RBFOX2: variants seen among roughly 807,000 people sequenced by gnomAD.
RBFOX2 encodes RNA binding protein fox-1 homolog 2.
Under a neutral mutation model 49.1 loss-of-function variants are expected in RBFOX2, and 10 were observed. The observed-to-expected ratio is 0.20, with a 90% CI of 0.13 to 0.35. RBFOX2 has a LOEUF of 0.35. Ranked by LOEUF, RBFOX2 falls within the 10% of genes least tolerant of loss-of-function variation. RBFOX2 has a pLI of 1.00. For missense variants in RBFOX2, 323 were observed against 486.9 expected, an observed-to-expected ratio of 0.66 and a Z score of 3.17; for synonymous variants, 183 against 187.4, an observed-to-expected ratio of 0.98 and a Z score of 0.19.
At chr22:35,862,381 G>A (rs530031649) in intron 1 of RBFOX2, among the ~76,000 whole-genome samples, 2 of 150,532 alleles carry the variant, frequency 1.3e-5, no homozygotes, top group South Asian at 2.1e-4. Context: ...CTTTGGAGGG[G>A]GGGGGGAATG....
intron 6 of RBFOX2, among the ~76,000 whole-genome samples, chr22:35,763,459 G>T (rs531770403): frequency 1.2e-4 from 18 of 152,318 alleles, no homozygotes; most frequent in African/African-American, 3.8e-4. Context: ...CTACTCTGGA[G>T]GCTGAGGCAC....
intron 1 of RBFOX2, among the ~76,000 whole-genome samples, chr22:35,929,613 T>A (rs899526826): frequency 2.0e-5 from 3 of 152,092 alleles, no homozygotes; most frequent in Non-Finnish European, 2.9e-5. Flanking sequence ...ACTACATATA[T>A]CATATAATTC....
At chr22:35,872,237 T>C (rs2044450672) in intron 1 of RBFOX2, among the ~76,000 whole-genome samples, 1 of 152,200 alleles carries the variant, frequency 6.6e-6, no homozygotes, top group Non-Finnish European at 1.5e-5. Context: ...CAGTGCCCCG[T>C]TGCTCAAACC....
At chr22:36,008,875 C>T (rs544863849) in intron 1 of RBFOX2, among the ~76,000 whole-genome samples, 20 of 152,120 alleles carry the variant, frequency 1.3e-4, no homozygotes, top group Admixed American at 9.8e-4. Flanking sequence ...TATTGTCCTA[C>T]CTTAAAGTAA....
intron 1 of RBFOX2, among the ~76,000 whole-genome samples, chr22:35,874,945 G>C (rs748225637): frequency 6.6e-6 from 1 of 152,136 alleles, no homozygotes; most frequent in Non-Finnish European, 1.5e-5. Context: ...GGGTGATAGG[G>C]GAGTGGCACT....
At chr22:35,813,078 C>G (rs369659324) in intron 1 of RBFOX2, among the ~76,000 whole-genome samples, 1 of 152,034 alleles carries the variant, frequency 6.6e-6, no homozygotes, top group South Asian at 2.1e-4. Flanking sequence ...AGAAGAAATT[C>G]TTAGTGGATT....
chr22:35,997,545 T>A (rs1002766129), intron 1 of RBFOX2: 21 of 152,202 alleles, frequency 1.4e-4, no homozygotes, highest in African/African-American at 5.1e-4. Flanking sequence ...CTCATTTCAA[T>A]ATATATAAGA....
At chr22:35,850,086 A>G (rs903924795) in intron 1 of RBFOX2, among the ~76,000 whole-genome samples, 1 of 151,882 alleles carries the variant, frequency 6.6e-6, no homozygotes, top group Admixed American at 6.6e-5. Context: ...AATACTCCCA[A>G]TCCAGGACAC....
At chr22:35,754,920 C>T (rs1936405860) in intron 9 of RBFOX2, among the ~76,000 whole-genome samples, 1 of 152,162 alleles carries the variant, frequency 6.6e-6, no homozygotes, top group Non-Finnish European at 1.5e-5. Flanking sequence ...TAAATTAAGG[C>T]ATACCTTACA....
chr22:36,021,207 G>GGACAC (rs2059232217), intron 1 of RBFOX2, among the ~76,000 whole-genome samples: 2 of 133,140 alleles, frequency 1.5e-5, no homozygotes, highest in African/African-American at 5.6e-5. Context: ...GAGAACACTT[G>GGACAC]GACACAGGGT....
intron 1 of RBFOX2, among the ~76,000 whole-genome samples, chr22:35,817,077 A>G (rs963509691): frequency 6.6e-6 from 1 of 152,110 alleles, no homozygotes; most frequent in Non-Finnish European, 1.5e-5. Context: ...ACACTGACTT[A>G]GAGGCTTTGG....
At chr22:35,806,960 C>T (rs561950665) in intron 2 of RBFOX2, among the ~76,000 whole-genome samples, 9 of 152,232 alleles carry the variant, frequency 5.9e-5, no homozygotes, top group South Asian at 4.2e-4. Flanking sequence ...CACACCACCA[C>T]GCCCGGCTAA....
At position 35,862,385 on chromosome 22, in the gene RBFOX2, G is replaced by GA. The variant is rs796640087; in HGVS notation, c.-33-52382_-33-52381insT. Among the ~76,000 whole-genome samples the GA allele has an allele frequency of 4.7e-4, 70 of 149,486 alleles. 1 individual carries two copies. Among genetic ancestry groups the GA allele is most frequent in the African/African-American group, 1.7e-3 (69 of 40,612 alleles). ...TTAGTTATTTTCTTTGGAGGGGGGG[G>GA]GGAATGATAAAAGGAGATGGGGGAA... On this transcript the variant is annotated intron_variant, in intron 1 of 13. Coordinates refer to the RBFOX2 transcript ENST00000359369.
At chr22:36,001,703 A>G (rs1330220222) in intron 1 of RBFOX2, among the ~76,000 whole-genome samples, 1 of 152,220 alleles carries the variant, frequency 6.6e-6, no homozygotes, top group African/African-American at 2.4e-5. Flanking sequence ...TCAAGGTTAC[A>G]GTAAGTTATT....
chr22:35,822,463 T>C (rs1268138166), intron 1 of RBFOX2, among the ~76,000 whole-genome samples: 1 of 152,208 alleles, frequency 6.6e-6, no homozygotes, highest in Non-Finnish European at 1.5e-5. Context: ...CTGGTCTCTT[T>C]CATGCTAAAA....
chr22:35,844,819 A>G (rs1304544333), upstream of RBFOX2, among the ~76,000 whole-genome samples: 3 of 151,914 alleles, frequency 2.0e-5, no homozygotes, highest in African/African-American at 7.3e-5. Flanking sequence ...CTTCAGTTTT[A>G]TTTTCAGTAT....
chr22:35,823,550 C>T (rs894437938), intron 1 of RBFOX2, among the ~76,000 whole-genome samples: 3 of 152,190 alleles, frequency 2.0e-5, no homozygotes, highest in Non-Finnish European at 2.9e-5. Context: ...CAAATGAAAG[C>T]ATCTATCTAC....
intron 1 of RBFOX2, among the ~76,000 whole-genome samples, chr22:35,919,611 CTG>C (rs757433909): frequency 5.7e-4 from 87 of 152,032 alleles, no homozygotes; most frequent in Middle Eastern, 3.4e-3. Context: ...CTAAAACTGA[CTG>C]TGGTGATGGT....
intron 1 of RBFOX2, among the ~76,000 whole-genome samples, chr22:36,010,544 G>A (rs2058778042): frequency 6.6e-6 from 1 of 151,996 alleles, no homozygotes; most frequent in Non-Finnish European, 1.5e-5. Context: ...TCTCTAAACA[G>A]CTAGAATACT....
Sources: gnomAD v4.1 joint callset for allele counts (sites outside exome capture counted in the v4.1 genomes callset) on GRCh38, gnomAD v4.1.1 for gene constraint, MANE v1.5 for transcripts, NCBI Gene and HGNC (gene_info 2026-07-23, HGNC 2026-07-21) for gene names.